MTMR1: variants seen among roughly 807,000 people sequenced by gnomAD.
MTMR1 encodes the protein myotubularin related protein 1, also known as phosphatidylinositol-3-phosphate phosphatase MTMR1.
A neutral mutation model predicts 51.6 loss-of-function variants in MTMR1; 17 were observed. The observed-to-expected ratio is 0.33, with a 90% CI of 0.23 to 0.49. The LOEUF (loss-of-function observed/expected upper bound fraction) is 0.49, where lower values mean the gene tolerates loss of function less well. Among genes scored for constraint, MTMR1 ranks in the 20% least tolerant of loss-of-function variants. The pLI is 0.99. For missense variants in MTMR1, 386 were observed against 526.9 expected (o/e 0.73, Z 2.62); for synonymous variants, 201 against 205.6 (o/e 0.98, Z 0.19).
At position 150,696,005 on chromosome X, in the gene MTMR1, C is replaced by T. The variant is rs782142835; in HGVS notation, c.146+2329C>T. On this transcript the variant is annotated intron_variant, in intron 1 of 15. Coordinates refer to ENST00000445323, the MANE Select transcript of MTMR1 (RefSeq NM_001306144.3). ...GGGGGCCGGATAACTGGCTGTGCTG[C>T]GCCCTGAGTTAGGAAACACAGGAGC... Among the ~76,000 whole-genome samples the T allele has an allele frequency of 2.1e-4, 23 of 111,777 alleles. No individual in the cohort carries two copies. In the South Asian group the frequency reaches 8.2e-3, roughly 40 times the overall value.
intron 1 of MTMR1, among the ~76,000 whole-genome samples, chrX:150,698,669 T>TACACACACAC (rs1269816051): frequency 3.1e-5 from 2 of 64,130 alleles, no homozygotes; most frequent in African/African-American, 1.4e-4. Flanking sequence ...AAACCCTGTC[T>TACACACACAC]ACACGCGCGC....
At chrX:150,745,272 A>G (rs1054475825) in intron 13 of MTMR1, among the ~76,000 whole-genome samples, 16 of 111,731 alleles carry the variant, frequency 1.4e-4, no homozygotes, top group Non-Finnish European at 2.8e-4. Flanking sequence ...GGGTGGGGCT[A>G]TGGGGTACAG....
rs994857766 is a variant in MTMR1, at chrX:150,764,258, T to A, written c.*1529T>A. The A allele has an allele frequency of 1.1e-4, 12 of 112,550 alleles. No individual in the cohort carries two copies. The East Asian group carries it at 1.7e-3, about 16-fold the overall frequency. 9.3% of individuals were successfully genotyped at this position (112,550 alleles called of 1,213,427 possible). A position where few individuals can be genotyped will look rare whatever the true frequency, so the allele number is the denominator to read the frequency against. On this transcript the variant is annotated 3_prime_UTR_variant, in exon 16 of 16. Transcript: ENST00000445323. Reference sequence around the variant, plus strand: ...GAGAGAGAAAGAATGGATTTTTTTTTAACTGGGAACCTCCTGATTCTTACG... The same window carrying A: ...GAGAGAGAAAGAATGGATTTTTTTTAAACTGGGAACCTCCTGATTCTTACG...
intron 4 of MTMR1, among the ~76,000 whole-genome samples, chrX:150,726,000 T>C (rs1557416746): frequency 2.7e-5 from 3 of 111,851 alleles, no homozygotes; most frequent in Non-Finnish European, 5.6e-5. Flanking sequence ...CACATTGTTA[T>C]TTTAGCTTTT....
At chrX:150,721,170 A>G (rs1309517115) in intron 4 of MTMR1, among the ~76,000 whole-genome samples, 2 of 111,960 alleles carry the variant, frequency 1.8e-5, no homozygotes, top group African/African-American at 6.5e-5. Context: ...TGTAGTATCC[A>G]TTTTATAAAT....
At chrX:150,701,988 A>G (rs1234582872) in intron 2 of MTMR1, among the ~76,000 whole-genome samples, 2 of 111,539 alleles carry the variant, frequency 1.8e-5, no homozygotes, top group Non-Finnish European at 3.8e-5. Flanking sequence ...AAGTCATCCT[A>G]TTGAAAAGCT....
intron 3 of MTMR1, among the ~76,000 whole-genome samples, chrX:150,716,219 G>A (rs1300759930): frequency 1.8e-5 from 2 of 112,661 alleles, no homozygotes; most frequent in African/African-American, 6.4e-5. Context: ...CTTTAACAAC[G>A]TAACATTTGA....
At position 150,699,257 on chromosome X, in the gene MTMR1, T is replaced by A. The variant is rs1216497891; in HGVS notation, c.209T>A (p.Ile70Asn). 1 of 1,204,550 alleles carries A rather than the reference T, an allele frequency of 8.3e-7. No homozygotes were observed. The highest frequency in any genetic ancestry group is 1.1e-6 in the Non-Finnish European group (1 of 891,714). ...ATAGCTGCTACAATTTCTAGTCAGATTTCAGGTTCAGTGACATCAGAAAAT... is the reference window on the plus strand; with the variant it reads ...ATAGCTGCTACAATTTCTAGTCAGAATTCAGGTTCAGTGACATCAGAAAAT... ...QLIAATISSQ[I>N]SGSVTSENVS... Residue 70 changes from isoleucine to asparagine, a missense_variant, in exon 2 of 16, where the codon ATT (isoleucine) becomes AAT (asparagine). Transcript: ENST00000445323.
At chrX:150,699,325 C>G in intron 2 of MTMR1, 25 bp downstream of exon 2, 1 of 1,055,401 alleles carries the variant, frequency 9.5e-7, no homozygotes, top group East Asian at 3.1e-5. Flanking sequence ...GTGTTTAATT[C>G]ATTTTCAGTA....
chrX:150,735,419 G>A (rs2042237993), intron 10 of MTMR1: 2 of 486,023 alleles, frequency 4.1e-6, no homozygotes, highest in South Asian at 5.9e-5. Flanking sequence ...TTTTCATAAG[G>A]GATGTTAATC....
chrX:150,721,496 A>G (rs1409176080), intron 4 of MTMR1, among the ~76,000 whole-genome samples: 1 of 111,537 alleles, frequency 9.0e-6, no homozygotes, highest in African/African-American at 3.3e-5. Context: ...TCTTTTGGGT[A>G]AGCTTTGGTA....
intron 12 of MTMR1, among the ~76,000 whole-genome samples, chrX:150,744,029 C>T (rs1569565740): frequency 8.9e-6 from 1 of 112,527 alleles, no homozygotes; most frequent in Non-Finnish European, 1.9e-5. Flanking sequence ...TAATTGGCAT[C>T]CTACGTTGAC....
At chrX:150,742,426 G>A (rs940554040) in intron 12 of MTMR1, among the ~76,000 whole-genome samples, 4 of 111,802 alleles carry the variant, frequency 3.6e-5, no homozygotes, top group Non-Finnish European at 7.5e-5. Flanking sequence ...TCGTTATGTG[G>A]CACAGTTAAG....
intron 13 of MTMR1, among the ~76,000 whole-genome samples, chrX:150,747,906 T>C (rs1557417497): frequency 8.9e-6 from 1 of 112,019 alleles, no homozygotes; most frequent in Non-Finnish European, 1.9e-5. Context: ...CATAGTCTGT[T>C]TGGGCTGCTG....
intron 13 of MTMR1, among the ~76,000 whole-genome samples, chrX:150,750,074 G>A (rs1557417549): frequency 1.8e-5 from 2 of 110,567 alleles, no homozygotes; most frequent in Non-Finnish European, 3.8e-5. Flanking sequence ...CCGAGATGGC[G>A]CCATGGTGCT....
chrX:150,748,575 T>C (rs1156681728), intron 13 of MTMR1, among the ~76,000 whole-genome samples: 1 of 108,704 alleles, frequency 9.2e-6, no homozygotes, highest in Non-Finnish European at 1.9e-5. Flanking sequence ...CCCAGCACTT[T>C]AGGAGGCCGA....
At chrX:150,711,739 C>T (rs1557416226) in intron 2 of MTMR1, among the ~76,000 whole-genome samples, 2 of 112,200 alleles carry the variant, frequency 1.8e-5, no homozygotes, top group Non-Finnish European at 3.8e-5. Flanking sequence ...GGGCGGGGAG[C>T]GGGCACCCTC....
Position 150,755,626 on chromosome X carries a change from G to T in MTMR1, c.1681-63G>T, listed in dbSNP as rs141978488. The T allele has an allele frequency of 1.5e-3, 1,300 of 889,055 alleles. 2 individuals are homozygous for T. Among genetic ancestry groups the T allele is most frequent in the Middle Eastern group, 3.3e-3 (8 of 2,389 alleles). The allele number at this position is 889,055 out of a possible 1,213,427, so 73.3% of individuals were successfully genotyped here. On this transcript the variant is annotated intron_variant, in intron 14 of 15. Transcript: ENST00000445323. ...TCATTATTCAAGTCCTTTTCTCGGT[G>T]TAATACTAATTCTTGATGATATGAA... is the stretch of plus-strand genomic sequence containing the variant.
Position 150,731,590 on chromosome X carries a change from G to T in MTMR1, c.862G>T (p.Ala288Ser), listed in dbSNP as rs371987799. 5.0e-5 allele frequency: 60 copies of T among 1,203,287 alleles called. No homozygotes were observed. The highest frequency in any genetic ancestry group is 6.6e-5 in the Non-Finnish European group (59 of 891,686). ...AAAAGATGATGACCTTTCAAAAGTG[G>T]CAGCTTTTCGAGCAAAAGGCAGAGT... ...SVKDDDLSKV[A>S]AFRAKGRVPV... Residue 288 changes from alanine (A) to serine (S), a missense_variant, in exon 9 of 16, where the codon GCA (alanine) becomes TCA (serine). Coordinates refer to ENST00000445323, the MANE Select transcript of MTMR1 (RefSeq NM_001306144.3).
Sources: gnomAD v4.1 joint callset for allele counts (sites outside exome capture counted in the v4.1 genomes callset) on GRCh38, gnomAD v4.1.1 for gene constraint, MANE v1.5 for transcripts, NCBI Gene and HGNC (gene_info 2026-07-23, HGNC 2026-07-21) for gene names.